The following KIF2A variants were observed in gnomAD, a reference collection of about 807,000 sequenced individuals.
KIF2A encodes kinesin-like protein KIF2A.
KIF2A carries 22 observed loss-of-function variants against 100.2 expected under a neutral mutation model. The ratio of observed to expected loss-of-function variants is 0.22; its 90% CI spans 0.16 to 0.31. The LOEUF is 0.31. Ranked by LOEUF, KIF2A falls within the 10% of genes least tolerant of loss-of-function variation. The pLI, the probability that KIF2A is intolerant of heterozygous loss-of-function variation, is 1.00. For synonymous variants in KIF2A, 268 were observed against 285.9 expected, an observed-to-expected ratio of 0.94 and a Z score of 0.63; for missense variants, 495 against 898.7, an observed-to-expected ratio of 0.55 and a Z score of 5.74.
chr5:62,314,709 A>C (rs1016507349), intron 1 of KIF2A, among the ~76,000 whole-genome samples: 1 of 150,686 alleles, frequency 6.6e-6, no homozygotes, highest in South Asian at 2.1e-4. Context: ...GCAGGGAACA[A>C]ACTTGTGGTA....
At chr5:62,341,305 G>A (rs1747277667) in intron 1 of KIF2A, among the ~76,000 whole-genome samples, 1 of 146,768 alleles carries the variant, frequency 6.8e-6, no homozygotes, top group Non-Finnish European at 1.5e-5. Flanking sequence ...TTGTCTCCTT[G>A]ATTTTTTTTT....
chr5:62,373,540 T>C (rs975881353), intron 17 of KIF2A, 147 bp from the exon 18 acceptor site: 2 of 589,794 alleles, frequency 3.4e-6, no homozygotes, highest in African/African-American at 3.8e-5. Flanking sequence ...TAAGTGTTTC[T>C]ACAGATTTCA....
chr5:62,317,441 T>C (rs1286686466), intron 1 of KIF2A, among the ~76,000 whole-genome samples: 1 of 152,242 alleles, frequency 6.6e-6, no homozygotes, highest in East Asian at 1.9e-4. Flanking sequence ...TTTGATGAAA[T>C]ACTGCTGTTG....
At chr5:62,306,584 G>T (rs1189184087) in intron 1 of KIF2A, 48 bp downstream of exon 1, 6 of 1,485,392 alleles carry the variant, frequency 4.0e-6, no homozygotes, top group Non-Finnish European at 5.5e-6. Flanking sequence ...CCGTGTTCGG[G>T]TGTGCACGGA....
At chr5:62,380,103 G>C (rs988945949) in intron 19 of KIF2A, among the ~76,000 whole-genome samples, 1 of 152,090 alleles carries the variant, frequency 6.6e-6, no homozygotes, top group Non-Finnish European at 1.5e-5. Flanking sequence ...ATGTTGGCCC[G>C]GCTGATCTTG....
chr5:62,375,835 T>C (rs1264566319), intron 18 of KIF2A, among the ~76,000 whole-genome samples: 1 of 152,212 alleles, frequency 6.6e-6, no homozygotes, highest in African/African-American at 2.4e-5. Context: ...CTGAACATCA[T>C]ACAGTGCACA....
intron 7 of KIF2A, among the ~76,000 whole-genome samples, chr5:62,356,153 A>T (rs1196674753): frequency 4.6e-5 from 7 of 152,214 alleles, no homozygotes; most frequent in Admixed American, 6.5e-5. Flanking sequence ...CTGACATAGC[A>T]TATACAGAAT....
intron 12 of KIF2A, 81 bp downstream of exon 12, chr5:62,362,622 C>T (rs1036500440): frequency 9.0e-6 from 5 of 555,002 alleles, no homozygotes; most frequent in South Asian, 3.8e-5. Context: ...TTTTTAAGTT[C>T]AGTGGCATTA....
intron 7 of KIF2A, among the ~76,000 whole-genome samples, chr5:62,357,428 A>G (rs1222532217): frequency 6.6e-6 from 1 of 152,196 alleles, no homozygotes; most frequent in Non-Finnish European, 1.5e-5. Flanking sequence ...TAACAATAGT[A>G]GTACCCTCTA....
rs1742176646 is a variant in KIF2A, at chr5:62,389,188, T to C, written c.*3619T>C. 6.9e-6 allele frequency: 5 copies of C among 720,380 alleles called. No individual in the cohort carries two copies. In the South Asian group the frequency reaches 8.9e-5, roughly 13 times the overall value. The allele number at this position is 720,380 out of a possible 1,614,324, so 44.6% of individuals were successfully genotyped here. Reference sequence around the variant, plus strand: ...GCCCACCCACTCCTAATACTAGTTATTAAAGAAACGTTACTGGCTGGGCGC... The same window carrying C: ...GCCCACCCACTCCTAATACTAGTTACTAAAGAAACGTTACTGGCTGGGCGC... On this transcript the variant is annotated 3_prime_UTR_variant, in exon 21 of 21. Coordinates refer to ENST00000407818, the MANE Select transcript of KIF2A (RefSeq NM_001098511.3).
intron 2 of KIF2A, 30 bp from the exon 3 acceptor site, chr5:62,348,018 C>T (rs759055522): frequency 3.1e-6 from 5 of 1,599,608 alleles, no homozygotes; most frequent in Non-Finnish European, 4.3e-6. Flanking sequence ...AATATACTCT[C>T]AAAAGACTAT....
At chr5:62,325,823 T>C (rs1580012625) in intron 1 of KIF2A, among the ~76,000 whole-genome samples, 1 of 152,176 alleles carries the variant, frequency 6.6e-6, no homozygotes, top group South Asian at 2.1e-4. Context: ...CTACAGAAAA[T>C]AGACCTGTAC....
chr5:62,306,615 C>T, intron 1 of KIF2A, 79 bp downstream of exon 1: 1 of 1,179,644 alleles, frequency 8.5e-7, no homozygotes, highest in Non-Finnish European at 1.2e-6. Context: ...GCGCCGGCCG[C>T]CTCATTGATT....
chr5:62,350,311 T>C (rs1402145510), intron 4 of KIF2A, among the ~76,000 whole-genome samples, 191 bp downstream of exon 4: 2 of 151,998 alleles, frequency 1.3e-5, no homozygotes, highest in African/African-American at 2.4e-5. Flanking sequence ...AGGGTCTTGC[T>C]CTATCACCCA....
intron 1 of KIF2A, among the ~76,000 whole-genome samples, chr5:62,324,275 G>A (rs547907431): frequency 1.2e-4 from 19 of 152,052 alleles, no homozygotes; most frequent in Non-Finnish European, 2.1e-4. Flanking sequence ...TGTTAAAATG[G>A]CCGTACTGCC....
At chr5:62,338,270 C>G (rs1219917830) in intron 1 of KIF2A, among the ~76,000 whole-genome samples, 1 of 152,086 alleles carries the variant, frequency 6.6e-6, no homozygotes, top group Admixed American at 6.5e-5. Flanking sequence ...GGATTAAGGT[C>G]CCAAATATGA....
chr5:62,315,862 C>A (rs1246780140), intron 1 of KIF2A, among the ~76,000 whole-genome samples: 1 of 151,922 alleles, frequency 6.6e-6, no homozygotes, highest in African/African-American at 2.4e-5. Flanking sequence ...GGAGGGTGAG[C>A]AATGATTAAG....
intron 19 of KIF2A, 96 bp downstream of exon 19, chr5:62,377,858 C>G (rs568356421): frequency 1.4e-6 from 1 of 709,510 alleles, no homozygotes; most frequent in Non-Finnish European, 2.3e-6. Flanking sequence ...TTAAAAAATA[C>G]TTGTTTGTAT....
At chr5:62,350,801 A>G (rs1454544595) in intron 4 of KIF2A, among the ~76,000 whole-genome samples, 1 of 151,858 alleles carries the variant, frequency 6.6e-6, no homozygotes, top group African/African-American at 2.4e-5. Flanking sequence ...AATCCCAGCT[A>G]CTTGGGAGGC....
Sources: gnomAD v4.1 joint callset for allele counts (sites outside exome capture counted in the v4.1 genomes callset) on GRCh38, gnomAD v4.1.1 for gene constraint, MANE v1.5 for transcripts, NCBI Gene and HGNC (gene_info 2026-07-23, HGNC 2026-07-21) for gene names.